The following PDSS2 variants were observed in gnomAD, a reference collection of about 807,000 sequenced individuals.
The protein encoded by PDSS2 is all trans-polyprenyl-diphosphate synthase PDSS2.
In PDSS2, 31 loss-of-function variants were observed where a neutral mutation model predicts 44.5. The observed-to-expected ratio is 0.70, with a 90% confidence interval of 0.52 to 0.94. PDSS2 has a LOEUF of 0.94. Among genes scored for constraint, PDSS2 ranks in the 40% least tolerant of loss-of-function variants. The pLI is 0.00. For missense variants in PDSS2, 452 were observed against 482.2 expected (o/e 0.94, Z 0.59); for synonymous variants, 157 against 180.3 (o/e 0.87, Z 1.03).
At chr6:107,304,074 C>T (rs1160573836) in intron 2 of PDSS2, among the ~76,000 whole-genome samples, 1 of 152,198 alleles carries the variant, frequency 6.6e-6, no homozygotes, top group Non-Finnish European at 1.5e-5. Context: ...TTATGGTGGG[C>T]ACCTTCTTGA....
At chr6:107,457,164 G>C (rs539421441) in intron 1 of PDSS2, among the ~76,000 whole-genome samples, 3 of 152,036 alleles carry the variant, frequency 2.0e-5, no homozygotes, top group Non-Finnish European at 2.9e-5. Flanking sequence ...CAGGTGCCTC[G>C]AAAAATTAAA....
chr6:107,298,575 T>C (rs892679200), intron 2 of PDSS2, among the ~76,000 whole-genome samples: 1 of 152,210 alleles, frequency 6.6e-6, no homozygotes, highest in African/African-American at 2.4e-5. Flanking sequence ...GGCAACTGTA[T>C]ATATACCTAT....
At chr6:107,228,475 C>A (rs1231390034) in intron 4 of PDSS2, among the ~76,000 whole-genome samples, 1 of 152,150 alleles carries the variant, frequency 6.6e-6, no homozygotes, top group African/African-American at 2.4e-5. Context: ...GGGCAGATCA[C>A]CTGAGGCCAG....
rs1472252843 is a variant in PDSS2 at position 107,157,806 on chromosome 6, G to A, written c.1042-3029C>T. 2.0e-5 allele frequency among the ~76,000 whole-genome samples: 3 copies of A among 152,148 alleles called. No homozygotes were observed. In the East Asian group the frequency reaches 5.8e-4, roughly 29 times the overall value. ...CTGCCTCAGCCTCCCAAGTAGCTGG[G>A]ATTACAGGCACCCGCCACCACGCCT... is the stretch of plus-strand genomic sequence containing the variant. On this transcript the variant is annotated intron_variant, in intron 7 of 7. Transcript: ENST00000369037.
intron 6 of PDSS2, among the ~76,000 whole-genome samples, chr6:107,207,137 CG>C (rs1347586774): frequency 4.0e-5 from 6 of 151,368 alleles, no homozygotes; most frequent in Admixed American, 3.9e-4. Context: ...GGACTACAGG[CG>C]CCCGCCACTG....
intron 4 of PDSS2, among the ~76,000 whole-genome samples, chr6:107,214,393 T>C (rs1773340753): frequency 1.3e-5 from 2 of 152,160 alleles, no homozygotes; most frequent in Admixed American, 1.3e-4. Flanking sequence ...TCCCGGCCTT[T>C]ACACTTTTTT....
intron 4 of PDSS2, among the ~76,000 whole-genome samples, chr6:107,227,781 G>A (rs1773884484): frequency 1.3e-5 from 2 of 152,218 alleles, no homozygotes; most frequent in South Asian, 4.1e-4. Flanking sequence ...GTTTTATGAA[G>A]ATAGAGAACA....
intron 1 of PDSS2, among the ~76,000 whole-genome samples, chr6:107,388,538 T>C (rs933733879): frequency 3.4e-5 from 5 of 148,924 alleles, no homozygotes; most frequent in African/African-American, 1.2e-4. Context: ...AAGCTCCGCC[T>C]CCCGGGTTCA....
At chr6:107,303,762 C>T (rs1776772842) in intron 2 of PDSS2, among the ~76,000 whole-genome samples, 1 of 152,206 alleles carries the variant, frequency 6.6e-6, no homozygotes, top group African/African-American at 2.4e-5. Flanking sequence ...ATTGTAAACA[C>T]TGCTGCACCG....
intron 1 of PDSS2, among the ~76,000 whole-genome samples, chr6:107,371,715 T>C (rs1376259392): frequency 1.3e-5 from 2 of 152,252 alleles, no homozygotes; most frequent in African/African-American, 4.8e-5. Flanking sequence ...CCTAGCTGGG[T>C]CTTAAAGCAT....
At chr6:107,243,750 C>T (rs1341130668) in intron 4 of PDSS2, among the ~76,000 whole-genome samples, 1 of 152,148 alleles carries the variant, frequency 6.6e-6, no homozygotes, top group African/African-American at 2.4e-5. Flanking sequence ...GGCTGGGGCT[C>T]CACTCCTACA....
At chr6:107,398,991 C>G (rs1780028443) in intron 1 of PDSS2, among the ~76,000 whole-genome samples, 1 of 152,170 alleles carries the variant, frequency 6.6e-6, no homozygotes, top group South Asian at 2.1e-4. Flanking sequence ...AATGGTCTGT[C>G]ACTATCTACC....
At chr6:107,181,333 G>T (rs1771969276) in intron 7 of PDSS2, among the ~76,000 whole-genome samples, 1 of 150,714 alleles carries the variant, frequency 6.6e-6, no homozygotes, top group South Asian at 2.2e-4. Context: ...AGGAGTTCAA[G>T]ATCAGCCTAG....
chr6:107,271,896 T>C (rs1420005501), intron 3 of PDSS2, among the ~76,000 whole-genome samples: 1 of 150,034 alleles, frequency 6.7e-6, no homozygotes, highest in Non-Finnish European at 1.5e-5. Flanking sequence ...AGCCCGTCTC[T>C]AAAAAAAAAT....
At chr6:107,229,080 T>A (rs1233448180) in intron 4 of PDSS2, among the ~76,000 whole-genome samples, 1 of 152,234 alleles carries the variant, frequency 6.6e-6, no homozygotes, top group Non-Finnish European at 1.5e-5. Flanking sequence ...TTGTTTTACT[T>A]TTAAACCTCT....
chr6:107,452,106 T>G (rs181734264), intron 1 of PDSS2, among the ~76,000 whole-genome samples: 1 of 152,250 alleles, frequency 6.6e-6, no homozygotes, highest in East Asian at 1.9e-4. Flanking sequence ...CACTGCAGCC[T>G]TGAAGTCAAA....
chr6:107,336,016 G>GT (rs1777877398), intron 1 of PDSS2, among the ~76,000 whole-genome samples: 3 of 133,766 alleles, frequency 2.2e-5, no homozygotes, highest in African/African-American at 8.0e-5. Context: ...GGGGTGGGGG[G>GT]GGTGGGGGGT....
intron 3 of PDSS2, among the ~76,000 whole-genome samples, chr6:107,265,106 G>A (rs918117481): frequency 6.6e-6 from 1 of 152,032 alleles, no homozygotes. Context: ...AATTACCAGA[G>A]GATTAATAAA....
intron 2 of PDSS2, among the ~76,000 whole-genome samples, chr6:107,325,321 C>G (rs956491679): frequency 2.0e-5 from 3 of 152,192 alleles, no homozygotes; most frequent in African/African-American, 7.2e-5. Context: ...TCTTGACTTA[C>G]AATGGGGTTA....
Sources: gnomAD v4.1 joint callset for allele counts (sites outside exome capture counted in the v4.1 genomes callset) on GRCh38, gnomAD v4.1.1 for gene constraint, MANE v1.5 for transcripts, NCBI Gene and HGNC (gene_info 2026-07-23, HGNC 2026-07-21) for gene names.